Variants in CHFR observed in about 807,000 individuals in gnomAD.
The protein encoded by CHFR is checkpoint with forkhead and ring finger domains.
Under a neutral mutation model 87.6 loss-of-function variants are expected in CHFR, and 57 were observed. The observed-to-expected ratio is 0.65, with a 90% CI of 0.53 to 0.81. The LOEUF is 0.81. Ranked by LOEUF, CHFR falls within the 30% of genes least tolerant of loss-of-function variation. CHFR has a pLI of 0.00. For missense variants in CHFR, 797 were observed against 865.8 expected (o/e 0.92, Z 1.00); for synonymous variants, 381 against 359.2 (o/e 1.06, Z -0.69).
intron 2 of CHFR, among the ~76,000 whole-genome samples, chr12:132,886,778 T>A (rs982041888): frequency 5.3e-5 from 8 of 152,236 alleles, no homozygotes; most frequent in Non-Finnish European, 8.8e-5. Flanking sequence ...TATTTTTGTT[T>A]CATTTGTCTC....
intron 6 of CHFR, chr12:132,867,579 C>G (rs1214259359): frequency 2.0e-5 from 3 of 152,210 alleles, no homozygotes; most frequent in Non-Finnish European, 2.9e-5. Context: ...ACAGAAGGCC[C>G]TGGTGACCTC....
At position 132,840,597 on chromosome 12, in the gene CHFR, G is replaced by A. The variant is rs1950689114; in HGVS notation, c.*957C>T. 1 of 152,680 alleles carries A rather than the reference G, an allele frequency of 6.5e-6. No individual in the cohort carries two copies. The highest frequency in any genetic ancestry group is 1.5e-5 in the Non-Finnish European group (1 of 68,046). The allele number at this position is 152,680 out of a possible 1,614,324, so 9.5% of individuals were successfully genotyped here. A position where few individuals can be genotyped will look rare whatever the true frequency, so the allele number is the denominator to read the frequency against. On this transcript the variant is annotated 3_prime_UTR_variant, in exon 18 of 18. Coordinates refer to ENST00000450056, the MANE Select transcript of CHFR (RefSeq NM_001161346.2). ...TATTCCAGATGACATGGCAAAGCTA[G>A]CACAGGCGGAAGCCAAGGTGCCCCT...
At chr12:132,856,115 G>A (rs1951063823) in intron 10 of CHFR, among the ~76,000 whole-genome samples, 3 of 152,288 alleles carry the variant, frequency 2.0e-5, no homozygotes, top group Middle Eastern at 6.8e-3. Context: ...AAATAACATG[G>A]AATGATGTCC....
intron 9 of CHFR, 93 bp from the exon 10 acceptor site, chr12:132,856,723 G>A (rs1222620931): frequency 7.2e-7 from 1 of 1,384,278 alleles, no homozygotes; most frequent in South Asian, 1.2e-5. Flanking sequence ...GCGCAGTGCT[G>A]CGGAAGGAGG....
rs1566167376 is a variant in CHFR, at chr12:132,835,177, G to T, written c.*6377C>A. The T allele has an allele frequency of 1.3e-5, 2 of 152,216 alleles. No individual in the cohort carries two copies. Among genetic ancestry groups the T allele is most frequent in the African/African-American group, 4.8e-5 (2 of 41,460 alleles). 9.4% of individuals were successfully genotyped at this position (152,216 alleles called of 1,614,324 possible). A position where few individuals can be genotyped will look rare whatever the true frequency, so the allele number is the denominator to read the frequency against. ...CACAGGCTCAAGTGATCGGATACGG[G>T]TATCTGTGGTGGCGGGACGGGGACA... On this transcript the variant is annotated 3_prime_UTR_variant, in exon 18 of 18. Coordinates refer to ENST00000450056, the MANE Select transcript of CHFR (RefSeq NM_001161346.2).
Position 132,834,996 on chromosome 12 carries a change from C to G in CHFR, c.*6558G>C, listed in dbSNP as rs942224857. On this transcript the variant is annotated 3_prime_UTR_variant, in exon 18 of 18. Coordinates refer to ENST00000450056, the MANE Select transcript of CHFR (RefSeq NM_001161346.2). Reference sequence around the variant, plus strand: ...CCTCCCAAAGTGCTGGGAGTACAGGCGTGAGCCACCACGCCCGGCCTCTTG... The same window carrying G: ...CCTCCCAAAGTGCTGGGAGTACAGGGGTGAGCCACCACGCCCGGCCTCTTG... 4.6e-5 allele frequency: 7 copies of G among 152,310 alleles called. No individual in the cohort carries two copies. The highest frequency in any genetic ancestry group is 1.7e-4 in the African/African-American group (7 of 41,440). The allele number at this position is 152,310 out of a possible 1,614,324, so 9.4% of individuals were successfully genotyped here.
intron 5 of CHFR, 148 bp downstream of exon 5, chr12:132,870,576 C>A: frequency 2.0e-6 from 1 of 511,254 alleles, no homozygotes; most frequent in Non-Finnish European, 3.5e-6. Context: ...AGGGGAATTG[C>A]TTGAACCCAG....
At chr12:132,885,280 G>C (rs1228915394) in intron 2 of CHFR, among the ~76,000 whole-genome samples, 2 of 129,048 alleles carry the variant, frequency 1.5e-5, no homozygotes, top group Admixed American at 1.6e-4. Context: ...GCGTGGTGGT[G>C]GGCGCCTGTA....
At chr12:132,861,334 C>T (rs1951205182) in intron 7 of CHFR, 133 bp downstream of exon 7, 2 of 831,428 alleles carry the variant, frequency 2.4e-6, no homozygotes, top group African/African-American at 1.7e-5. Context: ...GGAGGTGTTA[C>T]AGGCATCAAC....
intron 8 of CHFR, 149 bp from the exon 9 acceptor site, chr12:132,857,708 T>G (rs1257931971): frequency 1.4e-6 from 1 of 713,268 alleles, no homozygotes; most frequent in South Asian, 1.9e-5. Context: ...TCTTGGTTAA[T>G]GAAAAGAAAT....
intron 13 of CHFR, 38 bp from the exon 14 acceptor site, chr12:132,848,193 G>A (rs768516001): frequency 1.7e-5 from 28 of 1,613,826 alleles, no homozygotes; most frequent in Non-Finnish European, 2.3e-5. Context: ...TGTTTATAAT[G>A]ATGTCGCAGG....
chr12:132,885,283 C>T (rs1168332029), intron 2 of CHFR, among the ~76,000 whole-genome samples: 36 of 131,486 alleles, frequency 2.7e-4, no homozygotes, highest in Non-Finnish European at 2.0e-4. Context: ...TGGTGGTGGG[C>T]GCCTGTAGTC....
At chr12:132,885,164 C>T (rs1289147564) in intron 2 of CHFR, among the ~76,000 whole-genome samples, 3 of 151,814 alleles carry the variant, frequency 2.0e-5, no homozygotes, top group Non-Finnish European at 4.4e-5. Flanking sequence ...AATCCCAGCA[C>T]TTTGGGAGGC....
chr12:132,882,339 A>T (rs1593538001), intron 2 of CHFR, among the ~76,000 whole-genome samples: 1 of 152,094 alleles, frequency 6.6e-6, no homozygotes, highest in African/African-American at 2.4e-5. Flanking sequence ...AGGCAAAGAA[A>T]CCAGATCAGT....
chr12:132,868,783 G>C (rs1461501705), intron 6 of CHFR, among the ~76,000 whole-genome samples: 2 of 150,506 alleles, frequency 1.3e-5, no homozygotes, highest in Non-Finnish European at 3.0e-5. Context: ...GCTGGGGGGA[G>C]GGGACATGGG....
At chr12:132,868,439 T>C (rs1438161067) in intron 6 of CHFR, among the ~76,000 whole-genome samples, 3 of 151,660 alleles carry the variant, frequency 2.0e-5, no homozygotes, top group Non-Finnish European at 4.4e-5. Context: ...GAGGCGGAGC[T>C]TGCAGTGAGC....
rs201454195 is a variant in CHFR at position 132,851,635 on chromosome 12, C to A, written c.1475G>T (p.Arg492Leu). Residue 492 changes from arginine to leucine, a missense_variant, in exon 12 of 18, where the codon CGT (arginine) becomes CTT (leucine). Transcript: ENST00000450056. Reference sequence around the variant, plus strand: ...GCACTCACACTGCTGAGGGGCGACACGCGGGTCCTGCTCGCGCTCCGCTCT... The same window carrying A: ...GCACTCACACTGCTGAGGGGCGACAAGCGGGTCCTGCTCGCGCTCCGCTCT... ...DRRAEREQDP[R>L]VAPQQCAVCL... 16 of 1,612,150 alleles carry A rather than the reference C, an allele frequency of 9.9e-6. No individual in the cohort carries two copies. Among genetic ancestry groups the A allele is most frequent in the Admixed American group, 1.7e-5 (1 of 59,962 alleles).
chr12:132,841,492 G>A lies in CHFR; in HGVS notation c.*62C>T. The A allele has an allele frequency of 7.0e-7, 1 of 1,436,704 alleles. No individual in the cohort carries two copies. The highest frequency in any genetic ancestry group is 1.7e-5 in the Admixed American group (1 of 59,742). 89.0% of individuals were successfully genotyped at this position (1,436,704 alleles called of 1,614,324 possible). Reference sequence around the variant, plus strand: ...AAAACACCTTGACGTGCTTGTCTCTGTATTTTAAAAACACGCTCTCTTCAC... The same window carrying A: ...AAAACACCTTGACGTGCTTGTCTCTATATTTTAAAAACACGCTCTCTTCAC... On this transcript the variant is annotated 3_prime_UTR_variant, in exon 18 of 18. Transcript: ENST00000450056.
Position 132,843,962 on chromosome 12 carries a change from G to C in CHFR, c.1843+65C>G, listed in dbSNP as rs1950755494. 30 of 974,496 alleles carry C rather than the reference G, an allele frequency of 3.1e-5. No homozygotes were observed. In the South Asian group the frequency reaches 3.2e-4, roughly 10 times the overall value. The allele number at this position is 974,496 out of a possible 1,614,324, so 60.4% of individuals were successfully genotyped here. ...GAAACTGTCTCAAAAAAAAAAAAGAGAGGCAGAAGCCAAGAAGCCAACCCA... is the reference window on the plus strand; with the variant it reads ...GAAACTGTCTCAAAAAAAAAAAAGACAGGCAGAAGCCAAGAAGCCAACCCA... On this transcript the variant is annotated intron_variant, in intron 16 of 17. Transcript: ENST00000450056.
Sources: gnomAD v4.1 joint callset for allele counts (sites outside exome capture counted in the v4.1 genomes callset) on GRCh38, gnomAD v4.1.1 for gene constraint, MANE v1.5 for transcripts, NCBI Gene and HGNC (gene_info 2026-07-23, HGNC 2026-07-21) for gene names.